SPTBN1: variants seen among roughly 807,000 people sequenced by gnomAD.
SPTBN1 encodes the protein spectrin beta chain, non-erythrocytic 1.
SPTBN1 carries 32 observed loss-of-function variants against 266.4 expected under a neutral mutation model. That is an observed-to-expected ratio of 0.12 (90% CI 0.09 to 0.16). SPTBN1 has a LOEUF of 0.16. SPTBN1 is among the 10% of genes least tolerant of loss of function. SPTBN1 has a pLI of 1.00. For synonymous variants in SPTBN1, 1,336 were observed against 1,162.2 expected (o/e 1.15, Z -3.04); for missense variants, 2,296 against 3,067.1 (o/e 0.75, Z 5.94).
At chr2:54,642,053 A>G (rs187850890) in intron 18 of SPTBN1, among the ~76,000 whole-genome samples, 15 of 152,308 alleles carry the variant, frequency 9.8e-5, no homozygotes, top group African/African-American at 3.4e-4. Context: ...CTGGCTCTGC[A>G]TTCTTTTGTG....
In SPTBN1 at chr2:54,628,371, G is replaced by A. The variant is rs2103916848; in HGVS notation, c.1798+121G>A. 2.4e-6 allele frequency: 3 copies of A among 1,268,006 alleles called. No homozygotes were observed. The highest frequency in any genetic ancestry group is 3.5e-5 in the South Asian group (2 of 57,390). The allele number at this position is 1,268,006 out of a possible 1,614,324, so 78.5% of individuals were successfully genotyped here. A position where few individuals can be genotyped will look rare whatever the true frequency, so the allele number is the denominator to read the frequency against. ...CATTCCTGGTGGGTTTGTCATGGGA[G>A]CATGAAATACGGTGGAGTGGCCTTC... is the stretch of plus-strand genomic sequence containing the variant. On this transcript the variant is annotated intron_variant, in intron 13 of 35. Transcript: ENST00000356805. This position sits in a 1 kb window ranked among gnomAD's most constrained non-coding sequence, Gnocchi z 4.3.
intron 14 of SPTBN1, 36 bp from the exon 15 acceptor site, chr2:54,629,856 C>A: frequency 6.2e-7 from 1 of 1,613,400 alleles, no homozygotes; most frequent in Non-Finnish European, 8.5e-7. Context: ...CACCAGTGGC[C>A]CAGGAGGTGA....
intron 23 of SPTBN1, 100 bp from the exon 24 acceptor site, chr2:54,647,031 T>TGATC (rs1377381848): frequency 6.4e-7 from 1 of 1,568,014 alleles, no homozygotes; most frequent in Admixed American, 1.8e-5. Flanking sequence ...TTCTTTCTAC[T>TGATC]GATCCTTCCT....
At position 54,668,433 on chromosome 2, in the gene SPTBN1, C is replaced by T. The variant is rs112558321; in HGVS notation, c.6959C>T (p.Thr2320Met). ...GAGGTGTCTGCCAGCACCCAGAGCA[C>T]GCCAGCATCCAGCCGCGCGCAGACC... is the stretch of plus-strand genomic sequence containing the variant. ...KHEVSASTQS[T>M]PASSRAQTLP... Residue 2320 changes from threonine to methionine, a missense_variant, in exon 36 of 36, where the codon ACG becomes ATG. Thr to Met is a moderately conservative substitution (Grantham distance 81). Transcript: ENST00000356805. 826 of 1,614,212 alleles carry T rather than the reference C, an allele frequency of 5.1e-4. 1 individual carries two copies. Among genetic ancestry groups the T allele is most frequent in the Non-Finnish European group, 6.7e-4 (789 of 1,180,046 alleles).
chr2:54,671,055 C>T lies in SPTBN1; in HGVS notation c.*2486C>T. The T allele has an allele frequency of 2.7e-6, 1 of 364,956 alleles. No homozygotes were observed. Among genetic ancestry groups the T allele is most frequent in the Non-Finnish European group, 4.9e-6 (1 of 205,694 alleles). 22.6% of individuals were successfully genotyped at this position (364,956 alleles called of 1,614,324 possible). A position where few individuals can be genotyped will look rare whatever the true frequency, so the allele number is the denominator to read the frequency against. ...TATTTTACCCTGATTTTCAGTGATACAATATGGGTGACAATACTGGCCCCT... is the reference window on the plus strand; with the variant it reads ...TATTTTACCCTGATTTTCAGTGATATAATATGGGTGACAATACTGGCCCCT... On this transcript the variant is annotated 3_prime_UTR_variant, in exon 36 of 36. Transcript: ENST00000356805.
rs1273349450 is a variant in SPTBN1 at position 54,646,385 on chromosome 2, C to G, written c.4776C>G (p.His1592Gln). 2 of 1,612,386 alleles carry G rather than the reference C, an allele frequency of 1.2e-6. No individual in the cohort carries two copies. Among genetic ancestry groups the G allele is most frequent in the African/African-American group, 1.3e-5 (1 of 74,914 alleles). Residue 1592 changes from histidine (H) to glutamine (Q), a missense_variant, in exon 23 of 36, where the codon CAC becomes CAG. This residue lies in a region of SPTBN1 where 644 missense variants were observed against 745.3 expected (regional missense o/e 0.86). Transcript: ENST00000356805. The surrounding 1 kb of genome is among the most constrained non-coding windows in gnomAD (Gnocchi z 4.4). Reference protein sequence around the residue: ...EKRHRRLEEAHRAQQYYFDAA... With the variant: ...EKRHRRLEEAQRAQQYYFDAA... ...GCCACAGGCGGCTGGAGGAGGCGCA[C>G]AGGGCCCAGCAGTACTACTTTGACG...
At chr2:54,532,650 T>C (rs1437271217) in intron 2 of SPTBN1, among the ~76,000 whole-genome samples, 1 of 152,204 alleles carries the variant, frequency 6.6e-6, no homozygotes, top group Non-Finnish European at 1.5e-5. Flanking sequence ...CTGTAAATGA[T>C]TGCTTGCATC....
At chr2:54,667,785 T>G (rs1681462151) in intron 35 of SPTBN1, 139 bp downstream of exon 35, 2 of 743,478 alleles carry the variant, frequency 2.7e-6, no homozygotes, top group Non-Finnish European at 4.6e-6. Flanking sequence ...TCACCAGCAC[T>G]AGAAGGTGTT....
intron 1 of SPTBN1, among the ~76,000 whole-genome samples, chr2:54,460,841 A>G (rs893635496): frequency 7.2e-5 from 11 of 152,126 alleles, no homozygotes; most frequent in Middle Eastern, 3.2e-3. Flanking sequence ...TCTCTACTAA[A>G]AATACAAAAA....
At chr2:54,578,725 G>T (rs1254715869) in intron 2 of SPTBN1, among the ~76,000 whole-genome samples, 2 of 150,738 alleles carry the variant, frequency 1.3e-5, no homozygotes, top group Non-Finnish European at 2.9e-5. Context: ...ATTTAATTTG[G>T]CCTAGGCAAG....
intron 1 of SPTBN1, among the ~76,000 whole-genome samples, chr2:54,479,213 T>A (rs988371870): frequency 6.6e-5 from 10 of 152,228 alleles, no homozygotes; most frequent in Admixed American, 5.9e-4. Flanking sequence ...TTGTGTTGTG[T>A]ATAGCAATGA....
chr2:54,654,000 C>A lies in SPTBN1; in HGVS notation c.5822+147C>A. The A allele has an allele frequency of 2.4e-6, 3 of 1,238,562 alleles. No individual in the cohort carries two copies. The highest frequency in any genetic ancestry group is 5.2e-5 in the East Asian group (2 of 38,746). The allele number at this position is 1,238,562 out of a possible 1,614,324, so 76.7% of individuals were successfully genotyped here. On this transcript the variant is annotated intron_variant, in intron 27 of 35. Transcript: ENST00000356805. The surrounding 1 kb of genome is among the most constrained non-coding windows in gnomAD (Gnocchi z 5.1). ...GGGTGGGGCGGTGCTTGGAGTGCGG[C>A]ACCACTGCTTGCCTCGTGCACTTGG...
intron 1 of SPTBN1, among the ~76,000 whole-genome samples, chr2:54,486,708 A>C (rs918232934): frequency 6.6e-6 from 1 of 151,824 alleles, no homozygotes. Flanking sequence ...AACACCCAAG[A>C]ATGATCAATT....
chr2:54,558,830 A>G lies in SPTBN1; in HGVS notation c.148+32264A>G, dbSNP rs752662723. 1.5e-5 allele frequency: 25 copies of G among 1,613,890 alleles called. No homozygotes were observed. In the East Asian group the frequency reaches 2.2e-4, roughly 14 times the overall value. ...CTCCGGGCCGCTGTCGCCGGCGTAC[A>G]CGGGGCAGGTGCCTTACAACTACAA... On this transcript the variant is annotated intron_variant, in intron 2 of 35. Coordinates refer to ENST00000356805, the MANE Select transcript of SPTBN1 (RefSeq NM_003128.3). This position sits in a 1 kb window ranked among gnomAD's most constrained non-coding sequence, Gnocchi z 4.6.
chr2:54,520,807 C>T (rs78218152), intron 1 of SPTBN1, among the ~76,000 whole-genome samples: 5 of 152,190 alleles, frequency 3.3e-5, no homozygotes, highest in East Asian at 3.9e-4. Flanking sequence ...AGTTATTTAA[C>T]GAGCTCCTAC....
At chr2:54,524,269 C>CT (rs1670665828) in intron 1 of SPTBN1, among the ~76,000 whole-genome samples, 2 of 152,014 alleles carry the variant, frequency 1.3e-5, no homozygotes, top group Non-Finnish European at 2.9e-5. Flanking sequence ...GGGGTGTTGT[C>CT]TTTTCACTCC....
At chr2:54,625,493 T>G (rs1428642634) in intron 11 of SPTBN1, among the ~76,000 whole-genome samples, 4 of 151,836 alleles carry the variant, frequency 2.6e-5, no homozygotes, top group Non-Finnish European at 4.4e-5. Flanking sequence ...AGATTTGGCT[T>G]TAAGACCACC....
Position 54,668,398 on chromosome 2 carries a change from T to C in SPTBN1, c.6924T>C (p.Ser2308=), listed in dbSNP as rs1161897319. 6.2e-7 allele frequency: 1 copy of C among 1,614,160 alleles called. No homozygotes were observed. The highest frequency in any genetic ancestry group is 8.5e-7 in the Non-Finnish European group (1 of 1,180,026). The change falls in exon 36 of 36, where the codon TCT becomes TCC. Residue 2308 remains serine (S), a synonymous_variant. Transcript: ENST00000356805. ...AGGCTATCTCTTCCGCCATCTCCTC[T>C]GATAAACACGAGGTGTCTGCCAGCA... is the stretch of plus-strand genomic sequence containing the variant. ...WIQAISSAIS[S]DKHEVSASTQ...
intron 2 of SPTBN1, among the ~76,000 whole-genome samples, chr2:54,545,031 G>C (rs189316444): frequency 3.9e-5 from 6 of 152,242 alleles, no homozygotes; most frequent in Non-Finnish European, 8.8e-5. Context: ...GCGGTGTTTG[G>C]TTTTCTGTCC....
Sources: allele counts gnomAD v4.1 joint callset (sites outside exome capture counted in the v4.1 genomes callset), GRCh38; gene constraint gnomAD v4.1.1; regional missense constraint gnomAD v4.1.1; non-coding constraint Gnocchi (gnomAD v3.1); transcripts MANE v1.5; gene names NCBI Gene and HGNC (gene_info 2026-07-23, HGNC 2026-07-21).